NOX4: variants seen among roughly 807,000 people sequenced by gnomAD.
NOX4 encodes NADPH oxidase 4.
In NOX4, 69 loss-of-function variants were observed where a neutral mutation model predicts 87.6. The observed-to-expected ratio is 0.79, with a 90% CI of 0.65 to 0.96. NOX4 has a LOEUF of 0.96. NOX4 is among the 40% of genes least tolerant of loss of function. The pLI is 0.00. For missense variants in NOX4, 680 were observed against 681.5 expected (o/e 1.00, Z 0.02); for synonymous variants, 275 against 238.2 (o/e 1.15, Z -1.42).
At chr11:89,375,127 A>G (rs1261977652) in intron 11 of NOX4, among the ~76,000 whole-genome samples, 1 of 152,134 alleles carries the variant, frequency 6.6e-6, no homozygotes, top group African/African-American at 2.4e-5. Context: ...TGTACCATGG[A>G]ATGTCCAAGC....
intron 5 of NOX4, among the ~76,000 whole-genome samples, chr11:89,442,043 T>A (rs1819672510): frequency 6.7e-6 from 1 of 148,464 alleles, no homozygotes; most frequent in Non-Finnish European, 1.5e-5. Flanking sequence ...TTTATTTACA[T>A]AATATTTAAA....
At chr11:89,396,852 T>C (rs1178782322) in intron 11 of NOX4, among the ~76,000 whole-genome samples, 2 of 152,030 alleles carry the variant, frequency 1.3e-5, no homozygotes, top group Non-Finnish European at 1.5e-5. Context: ...AGACTTAGAC[T>C]CCCACTCAAT....
intron 7 of NOX4, among the ~76,000 whole-genome samples, chr11:89,431,173 T>A (rs1370913784): frequency 6.6e-6 from 1 of 152,132 alleles, no homozygotes; most frequent in Non-Finnish European, 1.5e-5. Flanking sequence ...TGAAACTGGA[T>A]CCCTTCCTTA....
chr11:89,443,311 G>A (rs1565300091), intron 5 of NOX4: 1 of 152,000 alleles, frequency 6.6e-6, no homozygotes. Context: ...AGAAAACTCT[G>A]GTGATATGTG....
chr11:89,461,730 G>A (rs895657559), intron 2 of NOX4, among the ~76,000 whole-genome samples: 1 of 151,686 alleles, frequency 6.6e-6, no homozygotes, highest in Non-Finnish European at 1.5e-5. Context: ...GGAATGAGGG[G>A]AACAAAATCT....
At chr11:89,455,871 TA>T (rs1009897078) in intron 2 of NOX4, among the ~76,000 whole-genome samples, 3 of 151,188 alleles carry the variant, frequency 2.0e-5, no homozygotes, top group Non-Finnish European at 3.0e-5. Flanking sequence ...ATATGGGAGC[TA>T]AAAAAAAGAA....
intron 2 of NOX4, among the ~76,000 whole-genome samples, chr11:89,485,404 A>AAC (rs773060108): frequency 5.7e-4 from 87 of 151,752 alleles, no homozygotes; most frequent in Non-Finnish European, 1.2e-3. Flanking sequence ...AGACACATTG[A>AAC]ATATATATAT....
intron 12 of NOX4, among the ~76,000 whole-genome samples, chr11:89,360,580 T>G (rs1438572457): frequency 1.3e-5 from 2 of 152,118 alleles, no homozygotes; most frequent in African/African-American, 4.8e-5. Flanking sequence ...GACCTTAGTC[T>G]GCCTCTATTC....
intron 12 of NOX4, among the ~76,000 whole-genome samples, chr11:89,369,572 T>C (rs1303139590): frequency 6.6e-6 from 1 of 152,120 alleles, no homozygotes; most frequent in Non-Finnish European, 1.5e-5. Context: ...CTAATCGTTG[T>C]AATTCACTAG....
intron 5 of NOX4, 42 bp downstream of exon 5, chr11:89,444,093 C>A: frequency 6.5e-7 from 1 of 1,548,234 alleles, no homozygotes; most frequent in Non-Finnish European, 8.9e-7. Context: ...TTAGTCATCT[C>A]ATGACAAGTG....
At chr11:89,356,044 T>A (rs1360627833) in intron 12 of NOX4, among the ~76,000 whole-genome samples, 2 of 152,050 alleles carry the variant, frequency 1.3e-5, no homozygotes, top group Non-Finnish European at 2.9e-5. Context: ...TGAAATAAAA[T>A]CTCCGCAGAT....
chr11:89,436,701 A>C (rs1047156753), intron 6 of NOX4, among the ~76,000 whole-genome samples: 6 of 152,160 alleles, frequency 3.9e-5, no homozygotes, highest in Non-Finnish European at 7.4e-5. Flanking sequence ...CATAATTGGA[A>C]ACATAATTAT....
chr11:89,562,057 C>T, the NOX4 span, among the ~76,000 whole-genome samples: 3 of 152,128 alleles, frequency 2.0e-5, no homozygotes, highest in Non-Finnish European at 4.4e-5. Context: ...GTAAGTGTTA[C>T]TGAGATCAGA....
chr11:89,358,961 G>A (rs1269788903), intron 12 of NOX4, among the ~76,000 whole-genome samples: 1 of 151,722 alleles, frequency 6.6e-6, no homozygotes, highest in African/African-American at 2.4e-5. Flanking sequence ...TTTCTGCGAA[G>A]TGATACCGTG....
chr11:89,369,849 A>C (rs1047653760), intron 12 of NOX4, among the ~76,000 whole-genome samples: 1 of 151,962 alleles, frequency 6.6e-6, no homozygotes, highest in Non-Finnish European at 1.5e-5. Context: ...ATTGGCCTAA[A>C]ATATGTTGTC....
chr11:89,564,822 G>A, the NOX4 span, among the ~76,000 whole-genome samples: 1 of 149,866 alleles, frequency 6.7e-6, no homozygotes, highest in Non-Finnish European at 1.5e-5. Context: ...TAGCAGTTTT[G>A]CAGATTCTTC....
chr11:89,364,276 G>GTA (rs1046978415), intron 12 of NOX4, among the ~76,000 whole-genome samples: 5 of 151,666 alleles, frequency 3.3e-5, no homozygotes, highest in Admixed American at 2.6e-4. Context: ...CTGTTTGTGT[G>GTA]TATATATATG....
the NOX4 span, among the ~76,000 whole-genome samples, chr11:89,505,328 A>G: frequency 6.6e-6 from 1 of 152,002 alleles, no homozygotes; most frequent in Non-Finnish European, 1.5e-5. Flanking sequence ...TGTTCTAATG[A>G]GCCCGATAAG....
chr11:89,540,696 G>A, the NOX4 span, among the ~76,000 whole-genome samples: 1 of 149,444 alleles, frequency 6.7e-6, no homozygotes, highest in Non-Finnish European at 1.5e-5. Context: ...GCTGAGGCAG[G>A]AGAATGGTGT....
Sources: allele counts gnomAD v4.1 joint callset (sites outside exome capture counted in the v4.1 genomes callset), GRCh38; gene constraint gnomAD v4.1.1; transcripts MANE v1.5; gene names NCBI Gene and HGNC (gene_info 2026-07-23, HGNC 2026-07-21).